The following DOCK3 variants were observed in gnomAD, a reference collection of about 807,000 sequenced individuals.
The protein encoded by DOCK3 is dedicator of cytokinesis protein 3.
In DOCK3, 60 loss-of-function variants were observed where a neutral mutation model predicts 265.6. The ratio of observed to expected loss-of-function variants is 0.23; its 90% CI spans 0.18 to 0.28. The LOEUF is 0.28. DOCK3 is among the 10% of genes least tolerant of loss of function. DOCK3 has a pLI of 1.00. For missense variants in DOCK3, 1,981 were observed against 2,594.3 expected (o/e 0.76, Z 5.14); for synonymous variants, 881 against 938.0 (o/e 0.94, Z 1.11).
chr3:50,776,319 A>C (rs2041596384), intron 1 of DOCK3, among the ~76,000 whole-genome samples: 1 of 151,964 alleles, frequency 6.6e-6, no homozygotes, highest in African/African-American at 2.4e-5. Context: ...TTTAATTTGC[A>C]TTTCCCAGAG....
At position 51,214,267 on chromosome 3, in the gene DOCK3, G is replaced by T; in HGVS notation, c.1252+20G>T. 3 of 1,612,586 alleles carry T rather than the reference G, an allele frequency of 1.9e-6. No individual in the cohort carries two copies. Among genetic ancestry groups the T allele is most frequent in the Non-Finnish European group, 2.5e-6 (3 of 1,179,188 alleles). Reference sequence around the variant, plus strand: ...TGCCAGGTATGCAGAACTGCTTGGGGCTGGGAAGGAAGATGGGTTAGGATG... The same window carrying T: ...TGCCAGGTATGCAGAACTGCTTGGGTCTGGGAAGGAAGATGGGTTAGGATG... On this transcript the variant is annotated intron_variant, in intron 14 of 52. Transcript: ENST00000266037.
At chr3:51,060,942 C>T (rs1329567960) in intron 5 of DOCK3, among the ~76,000 whole-genome samples, 1 of 152,120 alleles carries the variant, frequency 6.6e-6, no homozygotes, top group Non-Finnish European at 1.5e-5. Context: ...ATTTATGCAG[C>T]CAACAGACAC....
chr3:51,308,510 T>G (rs1176002385), intron 27 of DOCK3, among the ~76,000 whole-genome samples: 2 of 151,528 alleles, frequency 1.3e-5, no homozygotes, highest in Non-Finnish European at 2.9e-5. Context: ...ACACAGCACA[T>G]GTTTCAGAGA....
rs145175809 is a variant in DOCK3 at position 51,017,490 on chromosome 3, A to G, written c.316-46958A>G. ...AGCTTTTCTTCTTTTAGACATGGGT[A>G]CTTGTAGCTATAAATGTTCCTCTTA... On this transcript the variant is annotated intron_variant, in intron 5 of 52. Coordinates refer to ENST00000266037, the MANE Select transcript of DOCK3 (RefSeq NM_004947.5). Among the ~76,000 whole-genome samples, 1,472 of 151,730 alleles carry G rather than the reference A, an allele frequency of 9.7e-3. 60 individuals are homozygous for G. Among genetic ancestry groups the G allele is most frequent in the African/African-American group, 0.032 (1,315 of 41,152 alleles).
chr3:51,111,760 C>T (rs932890326), intron 9 of DOCK3, among the ~76,000 whole-genome samples: 3 of 152,150 alleles, frequency 2.0e-5, no homozygotes, highest in Non-Finnish European at 4.4e-5. Context: ...AAACTATCAA[C>T]AGAGTAAACA....
chr3:51,360,816 A>C (rs2086682339), intron 47 of DOCK3, among the ~76,000 whole-genome samples, 184 bp downstream of exon 47: 1 of 152,160 alleles, frequency 6.6e-6, no homozygotes, highest in South Asian at 2.1e-4. Context: ...TGGGTAAGAG[A>C]AGTGTATACA....
intron 5 of DOCK3, among the ~76,000 whole-genome samples, chr3:51,036,818 C>T (rs2080289906): frequency 6.6e-6 from 1 of 152,060 alleles, no homozygotes; most frequent in Non-Finnish European, 1.5e-5. Context: ...TGGGGTGGGT[C>T]TTTCCCATGC....
chr3:50,890,573 T>C (rs1252642760), intron 4 of DOCK3, among the ~76,000 whole-genome samples: 1 of 152,144 alleles, frequency 6.6e-6, no homozygotes, highest in Admixed American at 6.6e-5. Flanking sequence ...TATCAAAATG[T>C]TAACACTTGT....
chr3:51,098,590 GT>G (rs1419279932), intron 9 of DOCK3, among the ~76,000 whole-genome samples: 6 of 152,150 alleles, frequency 3.9e-5, no homozygotes, highest in African/African-American at 7.2e-5. Context: ...AAACAATTTT[GT>G]TTCCCTCTGC....
At chr3:51,368,659 A>C (rs534268174) in intron 49 of DOCK3, among the ~76,000 whole-genome samples, 6 of 152,206 alleles carry the variant, frequency 3.9e-5, no homozygotes, top group Non-Finnish European at 8.8e-5. Flanking sequence ...GGCAGCAGAA[A>C]CTTCTGCAGA....
intron 10 of DOCK3, among the ~76,000 whole-genome samples, chr3:51,158,404 G>A (rs1576274841): frequency 6.6e-6 from 1 of 152,040 alleles, no homozygotes; most frequent in South Asian, 2.1e-4. Context: ...AAAATAGCTG[G>A]GCATGATGGT....
intron 5 of DOCK3, among the ~76,000 whole-genome samples, chr3:50,967,998 A>G (rs1157915604): frequency 6.6e-6 from 1 of 152,172 alleles, no homozygotes; most frequent in Admixed American, 6.5e-5. Context: ...CGTTCCCACT[A>G]CAGTGTGTAA....
At chr3:50,979,112 C>T (rs187676046) in intron 5 of DOCK3, among the ~76,000 whole-genome samples, 2 of 152,176 alleles carry the variant, frequency 1.3e-5, no homozygotes, top group Admixed American at 6.5e-5. Flanking sequence ...TCTTCTGCGC[C>T]GCTCACGCTG....
At chr3:51,041,194 ATATATATATATTTTTTTTTTTT>A (rs2080505228) in intron 5 of DOCK3, among the ~76,000 whole-genome samples, 1 of 15,454 alleles carries the variant, frequency 6.5e-5, no homozygotes, top group African/African-American at 4.3e-4. Context: ...ATATATATAT[ATATATATATATTTTTTTTTTTT>A]TTTTTTTTTT....
At chr3:50,860,491 T>C (rs1001689797) in intron 3 of DOCK3, among the ~76,000 whole-genome samples, 7 of 152,190 alleles carry the variant, frequency 4.6e-5, no homozygotes, top group African/African-American at 7.2e-5. Context: ...TACTGTATGC[T>C]TGGGGTATAC....
intron 5 of DOCK3, among the ~76,000 whole-genome samples, chr3:50,944,928 C>G (rs1210765841): frequency 6.6e-6 from 1 of 152,190 alleles, no homozygotes; most frequent in African/African-American, 2.4e-5. Context: ...TCATCACACT[C>G]CTGCCTGGGC....
chr3:50,950,234 A>G (rs1037152423), intron 5 of DOCK3, among the ~76,000 whole-genome samples: 3 of 152,126 alleles, frequency 2.0e-5, no homozygotes, highest in Non-Finnish European at 2.9e-5. Context: ...GATGATTTCA[A>G]TACCTTCAGG....
intron 2 of DOCK3, among the ~76,000 whole-genome samples, chr3:50,783,371 G>A (rs1465694240): frequency 6.6e-6 from 1 of 151,774 alleles, no homozygotes; most frequent in Admixed American, 6.6e-5. Context: ...GATCATTCTT[G>A]CAAGAGTAAG....
chr3:51,080,119 A>G (rs1414512295), intron 7 of DOCK3, among the ~76,000 whole-genome samples: 1 of 152,204 alleles, frequency 6.6e-6, no homozygotes, highest in Non-Finnish European at 1.5e-5. Context: ...TTTCCTTGTA[A>G]GACTCACAAT....
Sources: allele counts gnomAD v4.1 joint callset (sites outside exome capture counted in the v4.1 genomes callset), GRCh38; gene constraint gnomAD v4.1.1; transcripts MANE v1.5; gene names NCBI Gene and HGNC (gene_info 2026-07-23, HGNC 2026-07-21).